Variants in SPMIP7 observed in about 807,000 individuals in gnomAD.
The protein encoded by SPMIP7 is protein SPMIP7.
the SPMIP7 span, among the ~76,000 whole-genome samples, chr7:50,105,267 G>T: frequency 1.2e-4 from 19 of 152,130 alleles, no homozygotes; most frequent in Admixed American, 3.3e-4. Context: ...GCAATTCAAT[G>T]TTCTTCGAAT....
At chr7:50,136,810 C>A in the SPMIP7 span, among the ~76,000 whole-genome samples, 16 of 152,024 alleles carry the variant, frequency 1.1e-4, no homozygotes, top group Non-Finnish European at 1.9e-4. Context: ...TTCATTTTTG[C>A]TCGTAACACA....
the SPMIP7 span, among the ~76,000 whole-genome samples, chr7:50,106,127 C>T: frequency 3.9e-4 from 59 of 152,260 alleles, 3 homozygotes; most frequent in South Asian, 0.012. Flanking sequence ...ACCAATATTT[C>T]CAATGGCAAA....
At chr7:50,143,928 T>A in the SPMIP7 span, among the ~76,000 whole-genome samples, 1 of 152,228 alleles carries the variant, frequency 6.6e-6, no homozygotes, top group African/African-American at 2.4e-5. Flanking sequence ...TAGCTTCTAT[T>A]TGTGTAGATG....
At chr7:50,112,903 G>T in the SPMIP7 span, among the ~76,000 whole-genome samples, 1 of 150,714 alleles carries the variant, frequency 6.6e-6, no homozygotes, top group African/African-American at 2.4e-5. Context: ...GTGGGGCTTT[G>T]GAGATATGCA....
the SPMIP7 span, among the ~76,000 whole-genome samples, chr7:50,126,420 A>T: frequency 6.6e-6 from 1 of 151,916 alleles, no homozygotes; most frequent in South Asian, 2.1e-4. Context: ...TGAAAACTTC[A>T]GGCCTAGATA....
the SPMIP7 span, among the ~76,000 whole-genome samples, chr7:50,112,123 G>A: frequency 6.6e-6 from 1 of 151,362 alleles, no homozygotes; most frequent in South Asian, 2.1e-4. Flanking sequence ...ATGGTGCAAA[G>A]GAAAAACAGA....
chr7:50,121,895 G>T, the SPMIP7 span, among the ~76,000 whole-genome samples: 2 of 151,856 alleles, frequency 1.3e-5, no homozygotes, highest in African/African-American at 4.8e-5. Context: ...GACCTCAGAT[G>T]ATCCTCCGGC....
chr7:50,121,036 C>A, the SPMIP7 span, among the ~76,000 whole-genome samples: 7 of 152,146 alleles, frequency 4.6e-5, no homozygotes, highest in African/African-American at 1.7e-4. Context: ...TGTGTTATAT[C>A]CCTTAAGAAT....
chr7:50,118,548 T>C, the SPMIP7 span, among the ~76,000 whole-genome samples: 1 of 152,224 alleles, frequency 6.6e-6, no homozygotes, highest in Non-Finnish European at 1.5e-5. Flanking sequence ...CTTTCCCATC[T>C]GAGAAAGCTG....
chr7:50,135,730 G>A, the SPMIP7 span, among the ~76,000 whole-genome samples: 7 of 152,250 alleles, frequency 4.6e-5, no homozygotes, highest in South Asian at 4.1e-4. Flanking sequence ...ATCTAGGCTC[G>A]TTTGGAAGTG....
the SPMIP7 span, among the ~76,000 whole-genome samples, chr7:50,155,901 G>A: frequency 3.9e-3 from 13 of 3,354 alleles, no homozygotes; most frequent in Admixed American, 3.5e-3. Flanking sequence ...GCCCTCTGAG[G>A]TAGCTTCTCT....
the SPMIP7 span, among the ~76,000 whole-genome samples, chr7:50,145,095 C>T: frequency 6.6e-6 from 1 of 151,764 alleles, no homozygotes; most frequent in Non-Finnish European, 1.5e-5. Flanking sequence ...AACCCCATCT[C>T]TACTAAAAAA....
chr7:50,157,780 G>A, the SPMIP7 span, among the ~76,000 whole-genome samples: 7 of 152,220 alleles, frequency 4.6e-5, no homozygotes, highest in South Asian at 1.5e-3. Context: ...CATAATAGCT[G>A]GCCCAACTCC....
chr7:50,113,476 A>G, the SPMIP7 span, among the ~76,000 whole-genome samples: 1 of 152,304 alleles, frequency 6.6e-6, no homozygotes, highest in East Asian at 1.9e-4. Flanking sequence ...AGCCACAACC[A>G]TGATGAGAAC....
At chr7:50,098,804 A>C in the SPMIP7 span, among the ~76,000 whole-genome samples, 1 of 148,556 alleles carries the variant, frequency 6.7e-6, no homozygotes, top group East Asian at 2.0e-4. Context: ...TCCAAATAAC[A>C]TCACATTGGG....
At chr7:50,129,027 A>T in the SPMIP7 span, among the ~76,000 whole-genome samples, 1 of 152,024 alleles carries the variant, frequency 6.6e-6, no homozygotes, top group Non-Finnish European at 1.5e-5. Flanking sequence ...AATGAGGTAA[A>T]TTTGTTACTA....
At chr7:50,126,505 G>A in the SPMIP7 span, among the ~76,000 whole-genome samples, 1 of 151,728 alleles carries the variant, frequency 6.6e-6, no homozygotes, top group Non-Finnish European at 1.5e-5. Context: ...AGAAATAAAA[G>A]AGGGAGTACT....
At chr7:50,095,946 G>T in the SPMIP7 span, 3 of 567,074 alleles carry the variant, frequency 5.3e-6, no homozygotes, top group Non-Finnish European at 8.3e-6. Context: ...AAAATTATCT[G>T]CCAACATTTA....
chr7:50,131,974 T>A, the SPMIP7 span, among the ~76,000 whole-genome samples: 10 of 152,172 alleles, frequency 6.6e-5, no homozygotes, highest in African/African-American at 2.4e-4. Context: ...TCAGACAGGC[T>A]TCACATTTCA....
Sources: allele counts gnomAD v4.1 joint callset (sites outside exome capture counted in the v4.1 genomes callset), GRCh38; gene constraint gnomAD v4.1.1; transcripts MANE v1.5; gene names NCBI Gene and HGNC (gene_info 2026-07-23, HGNC 2026-07-21).